The following BRINP1 variants were observed in gnomAD, a reference collection of about 807,000 sequenced individuals.
BRINP1 encodes BMP/retinoic acid-inducible neural-specific protein 1.
Under a neutral mutation model 72.9 loss-of-function variants are expected in BRINP1, and 17 were observed. The observed-to-expected ratio is 0.23, with a 90% CI of 0.16 to 0.35. The LOEUF is 0.35. Among genes scored for constraint, BRINP1 ranks in the 10% least tolerant of loss-of-function variants. The pLI, the probability that BRINP1 is intolerant of heterozygous loss-of-function variation, is 1.00. For synonymous variants in BRINP1, 418 were observed against 378.5 expected, an observed-to-expected ratio of 1.10 and a Z score of -1.21; for missense variants, 850 against 1,001.6, an observed-to-expected ratio of 0.85 and a Z score of 2.04.
At chr9:119,267,171 A>G (rs778069838) in intron 2 of BRINP1, among the ~76,000 whole-genome samples, 8 of 152,178 alleles carry the variant, frequency 5.3e-5, no homozygotes, top group Non-Finnish European at 1.2e-4. Flanking sequence ...AGTTTATAGG[A>G]CTTGCTGATG....
intron 1 of BRINP1, among the ~76,000 whole-genome samples, chr9:119,329,185 G>A (rs1194301811): frequency 6.6e-6 from 1 of 152,102 alleles, no homozygotes. Flanking sequence ...AATATTCAGT[G>A]GAGCAAATAG....
rs574383681 is a variant in BRINP1 at position 119,278,655 on chromosome 9, C to T, written c.219-29505G>A. On this transcript the variant is annotated intron_variant, in intron 2 of 7. Coordinates refer to ENST00000265922, the MANE Select transcript of BRINP1 (RefSeq NM_014618.3). ...CTGTAATCCCAGCACTTTGGGAGGC[C>T]AAGGCAGCTGGATCACGAGGTCAAG... is the stretch of plus-strand genomic sequence containing the variant. Among the ~76,000 whole-genome samples the T allele has an allele frequency of 3.9e-5, 6 of 152,186 alleles. No individual in the cohort carries two copies. The East Asian group carries it at 1.2e-3, about 29-fold the overall frequency.
chr9:119,251,362 G>A (rs1008645877), intron 2 of BRINP1, among the ~76,000 whole-genome samples: 1 of 152,108 alleles, frequency 6.6e-6, no homozygotes, highest in African/African-American at 2.4e-5. Flanking sequence ...TGAACTTTTC[G>A]GGCCTCTAGG....
At chr9:119,219,206 C>T (rs1244158666) in intron 5 of BRINP1, among the ~76,000 whole-genome samples, 10 of 152,152 alleles carry the variant, frequency 6.6e-5, no homozygotes, top group Non-Finnish European at 5.9e-5. Flanking sequence ...CAGACCAAGA[C>T]ACTGTCATAA....
intron 2 of BRINP1, among the ~76,000 whole-genome samples, chr9:119,273,665 C>T (rs970283389): frequency 9.9e-5 from 15 of 152,272 alleles, no homozygotes; most frequent in Admixed American, 7.2e-4. Flanking sequence ...CCTCTTCAGC[C>T]TGAATCATTC....
chr9:119,275,636 A>G (rs967056696), intron 2 of BRINP1, among the ~76,000 whole-genome samples: 3 of 152,200 alleles, frequency 2.0e-5, no homozygotes, highest in African/African-American at 7.2e-5. Flanking sequence ...AAGTCCATCC[A>G]TACTATAAGC....
chr9:119,358,711 GAGA>G, intron 1 of BRINP1, among the ~76,000 whole-genome samples: 1 of 152,128 alleles, frequency 6.6e-6, no homozygotes, highest in East Asian at 1.9e-4. Flanking sequence ...AAAAAAGAGA[GAGA>G]GAGAGGTTGG....
At chr9:119,323,336 G>A (rs556799268) in intron 1 of BRINP1, among the ~76,000 whole-genome samples, 1 of 152,262 alleles carries the variant, frequency 6.6e-6, no homozygotes, top group East Asian at 1.9e-4. Context: ...GCAGAGCAGG[G>A]GCTGCAATTT....
At chr9:119,255,068 AACATGCCAC>A (rs1830432502) in intron 2 of BRINP1, among the ~76,000 whole-genome samples, 1 of 152,236 alleles carries the variant, frequency 6.6e-6, no homozygotes, top group Admixed American at 6.5e-5. Context: ...TTTCCATTGC[AACATGCCAC>A]CTTAAAAAAA....
chr9:119,355,248 A>T (rs561332976), intron 1 of BRINP1, among the ~76,000 whole-genome samples: 1 of 152,244 alleles, frequency 6.6e-6, no homozygotes, highest in Non-Finnish European at 1.5e-5. Flanking sequence ...GCTCTATATG[A>T]TATTTTGAAC....
chr9:119,233,391 TA>T (rs1830164894), intron 5 of BRINP1, among the ~76,000 whole-genome samples: 3 of 152,142 alleles, frequency 2.0e-5, no homozygotes, highest in African/African-American at 7.2e-5. Flanking sequence ...AAAAACAAGT[TA>T]AAAATATACA....
intron 2 of BRINP1, among the ~76,000 whole-genome samples, chr9:119,297,630 TG>T (rs1230240868): frequency 6.6e-6 from 1 of 152,186 alleles, no homozygotes; most frequent in Non-Finnish European, 1.5e-5. Context: ...CCATTCTTTT[TG>T]TTTTATTTTT....
At chr9:119,291,336 G>A (rs140937509) in intron 2 of BRINP1, among the ~76,000 whole-genome samples, 1 of 152,280 alleles carries the variant, frequency 6.6e-6, no homozygotes, top group Non-Finnish European at 1.5e-5. Flanking sequence ...TATCTGACAA[G>A]GTCACTGAAG....
chr9:119,168,071 G>A lies in BRINP1; in HGVS notation c.1299C>T (p.Asn433=). The change falls in exon 8 of 8, where the codon AAC becomes AAT. Residue 433 remains asparagine (N), a synonymous_variant. Transcript: ENST00000265922. ...QRPIPCVIGG[N]NSCAMCSLAN... is the part of the protein sequence containing the mutation. ...CCAGGCTGCACATGGCGCAGCTGTT[G>A]TTCCCGCCTATCACGCAGGGGATGG... 3.1e-6 allele frequency: 5 copies of A among 1,609,052 alleles called. No homozygotes were observed. Among genetic ancestry groups the A allele is most frequent in the Non-Finnish European group, 4.2e-6 (5 of 1,177,174 alleles).
intron 1 of BRINP1, among the ~76,000 whole-genome samples, chr9:119,340,794 C>G (rs952067068): frequency 6.6e-6 from 1 of 152,174 alleles, no homozygotes; most frequent in Non-Finnish European, 1.5e-5. Flanking sequence ...CAAGGCAAAT[C>G]TTCCTTAGAC....
At chr9:119,303,303 C>CAG (rs961090884) in intron 2 of BRINP1, among the ~76,000 whole-genome samples, 2 of 148,900 alleles carry the variant, frequency 1.3e-5, no homozygotes, top group African/African-American at 5.0e-5. Flanking sequence ...CACACACACA[C>CAG]ACACACACAC....
chr9:119,271,748 G>A (rs1397197209), intron 2 of BRINP1, among the ~76,000 whole-genome samples: 2 of 152,034 alleles, frequency 1.3e-5, no homozygotes, highest in African/African-American at 4.8e-5. Flanking sequence ...TCTAGGTAAA[G>A]AGTACATAAC....
At chr9:119,317,008 T>C (rs1831131580) in intron 1 of BRINP1, among the ~76,000 whole-genome samples, 1 of 151,016 alleles carries the variant, frequency 6.6e-6, no homozygotes, top group Non-Finnish European at 1.5e-5. Flanking sequence ...GGAGAATCGC[T>C]TGAACCCGGG....
At chr9:119,233,851 T>A (rs1830168442) in intron 5 of BRINP1, among the ~76,000 whole-genome samples, 1 of 152,170 alleles carries the variant, frequency 6.6e-6, no homozygotes, top group African/African-American at 2.4e-5. Context: ...ACCGTGTATT[T>A]GTTTTTACTT....
Sources: gnomAD v4.1 joint callset for allele counts (sites outside exome capture counted in the v4.1 genomes callset) on GRCh38, gnomAD v4.1.1 for gene constraint, MANE v1.5 for transcripts, NCBI Gene and HGNC (gene_info 2026-07-23, HGNC 2026-07-21) for gene names.